RNF212B: variants seen among roughly 807,000 people sequenced by gnomAD.
The protein encoded by RNF212B is ring finger protein 212B, also known as E3 ubiquitin-protein ligase RNF212B.
RNF212B carries 52 observed loss-of-function variants against 55.5 expected under a neutral mutation model. The ratio of observed to expected loss-of-function variants is 0.94; its 90% CI spans 0.75 to 1.18. The LOEUF is 1.18. Ranked by LOEUF, RNF212B falls within the 50% of genes most tolerant of loss-of-function variation. The pLI is 0.00. For synonymous variants in RNF212B, 99 were observed against 121.4 expected (o/e 0.82, Z 1.21); for missense variants, 289 against 350.4 (o/e 0.82, Z 1.40).
At chr14:23,198,727 T>C (rs1450264823) in intron 2 of RNF212B, among the ~76,000 whole-genome samples, 1 of 151,754 alleles carries the variant, frequency 6.6e-6, no homozygotes, top group Non-Finnish European at 1.5e-5. Flanking sequence ...AGCTGGTAAG[T>C]CTGTTTCTCA....
chr14:23,189,987 T>G (rs769781864), intron 1 of RNF212B, among the ~76,000 whole-genome samples: 5 of 151,894 alleles, frequency 3.3e-5, no homozygotes, highest in Non-Finnish European at 7.4e-5. Flanking sequence ...CAACATCTAC[T>G]CTATCAGTTG....
intron 10 of RNF212B, 80 bp from the exon 11 acceptor site, chr14:23,264,543 T>A: frequency 1.0e-6 from 1 of 974,510 alleles, no homozygotes. Context: ...CTTGAATGTG[T>A]AGCTATAGAT....
Position 23,216,879 on chromosome 14 carries a change from C to CAAAAAAAAAAAAAAAAAA in RNF212B, c.-1-23458_-1-23441dup, listed in dbSNP as rs59923716. 4.1e-5 allele frequency among the ~76,000 whole-genome samples: 2 copies of CAAAAAAAAAAAAAAAAAA among 48,770 alleles called. 1 individual carries two copies. The highest frequency in any genetic ancestry group is 1.7e-4 in the African/African-American group (2 of 11,584). The allele number at this position is 48,770 out of a possible 152,430, so 32.0% of individuals were successfully genotyped here. On this transcript the variant is annotated intron_variant, in intron 2 of 15. Transcript: ENST00000399910. ...TGGGTGACTGAATGTGACCCTGTCT[C>CAAAAAAAAAAAAAAAAAA]AAAAAAAAAAAAAAAAAAAAAAAAA...
At chr14:23,262,315 G>C (rs945296437) in intron 7 of RNF212B, among the ~76,000 whole-genome samples, 14 of 152,120 alleles carry the variant, frequency 9.2e-5, no homozygotes, top group African/African-American at 3.4e-4. Flanking sequence ...TATTTTTCTA[G>C]TTTCTTAAGG....
At chr14:23,185,462 A>G (rs2140348944) in exon 1 of RNF212B, 1 of 152,336 alleles carries the variant, frequency 6.6e-6, no homozygotes, top group Non-Finnish European at 1.5e-5. Flanking sequence ...ATCACCATAT[A>G]AAACAAATAA....
At chr14:23,262,413 G>A (rs1885361014) in intron 7 of RNF212B, among the ~76,000 whole-genome samples, 1 of 152,150 alleles carries the variant, frequency 6.6e-6, no homozygotes, top group Admixed American at 6.5e-5. Flanking sequence ...GAAGAAAGGT[G>A]TACTTTAAAA....
intron 1 of RNF212B, among the ~76,000 whole-genome samples, chr14:23,186,565 G>A (rs536614045): frequency 1.1e-4 from 16 of 152,072 alleles, no homozygotes; most frequent in Middle Eastern, 3.2e-3. Flanking sequence ...GGTTAGGCTC[G>A]TCTTGAACTC....
At chr14:23,232,694 G>A (rs1414590306) in intron 2 of RNF212B, among the ~76,000 whole-genome samples, 1 of 151,416 alleles carries the variant, frequency 6.6e-6, no homozygotes, top group Non-Finnish European at 1.5e-5. Context: ...GGAGGTGGGG[G>A]GTCAGCCCCC....
intron 2 of RNF212B, among the ~76,000 whole-genome samples, chr14:23,198,055 G>A (rs896752106): frequency 3.3e-5 from 5 of 152,126 alleles, no homozygotes; most frequent in African/African-American, 1.2e-4. Context: ...AGTTAAGGCT[G>A]TTTTTACTTC....
Position 23,240,349 on chromosome 14 carries a change from G to C in RNF212B, c.4G>C (p.Asp2His), listed in dbSNP as rs1048535828. 1 of 1,543,254 alleles carries C rather than the reference G, an allele frequency of 6.5e-7. No individual in the cohort carries two copies. The highest frequency in any genetic ancestry group is 8.8e-7 in the Non-Finnish European group (1 of 1,140,676). ...CTTTCTCTTTATCTGCTCCAGAATG[G>C]ATTGGTTTCATTGCAACCAGTGCTT... Reference protein sequence around the residue: MDWFHCNQCFRK... With the variant: MHWFHCNQCFRK... The change falls in exon 2 of 15, where the codon GAT becomes CAT. Residue 2 changes from aspartate to histidine, a missense_variant. Physicochemically the swap from Asp to His is moderately conservative, Grantham distance 81 (BLOSUM62 -1). Coordinates refer to ENST00000430154, the MANE Select transcript of RNF212B (RefSeq NM_001282322.3).
chr14:23,234,658 G>A (rs970160121), upstream of RNF212B, among the ~76,000 whole-genome samples: 4 of 152,164 alleles, frequency 2.6e-5, no homozygotes, highest in Non-Finnish European at 4.4e-5. Flanking sequence ...TGGTCTACAC[G>A]TTTATGCACC....
chr14:23,218,229 G>A (rs369842553), intron 2 of RNF212B, among the ~76,000 whole-genome samples: 18 of 151,684 alleles, frequency 1.2e-4, no homozygotes, highest in East Asian at 7.8e-4. Flanking sequence ...TTAGCCGGGC[G>A]TGGTGGCACA....
intron 2 of RNF212B, among the ~76,000 whole-genome samples, chr14:23,216,879 C>CAAAAAAAAAA (rs59923716): frequency 6.2e-5 from 3 of 48,766 alleles, no homozygotes; most frequent in African/African-American, 8.6e-5. Flanking sequence ...GACCCTGTCT[C>CAAAAAAAAAA]AAAAAAAAAA....
chr14:23,185,543 A>T lies in RNF212B; in HGVS notation c.-79+53A>T, dbSNP rs535793291. The stretch of plus-strand genomic sequence containing the variant: ...TTCTAATTTATATGATGCAGACTTA[A>T]TGTGGGATAAAACATGAATGTGATG... On this transcript the variant is annotated intron_variant, in intron 1 of 15. Coordinates refer to the RNF212B transcript ENST00000399910. 17 of 152,336 alleles carry T rather than the reference A, an allele frequency of 1.1e-4. No homozygotes were observed. In the East Asian group the frequency reaches 2.9e-3, roughly 26 times the overall value. 9.4% of individuals were successfully genotyped at this position (152,336 alleles called of 1,614,324 possible).
intron 2 of RNF212B, among the ~76,000 whole-genome samples, chr14:23,210,120 C>T (rs922293670): frequency 5.9e-5 from 9 of 152,132 alleles, no homozygotes; most frequent in Non-Finnish European, 1.0e-4. Context: ...CACTGCACTC[C>T]GCCTGGGCAA....
At chr14:23,232,401 G>A (rs546791562) in intron 2 of RNF212B, among the ~76,000 whole-genome samples, 11 of 148,976 alleles carry the variant, frequency 7.4e-5, no homozygotes, top group South Asian at 4.2e-4. Flanking sequence ...GATCCCCTCC[G>A]CCCGGCAGCC....
intron 11 of RNF212B, among the ~76,000 whole-genome samples, chr14:23,266,672 A>C (rs1289247067): frequency 6.6e-6 from 1 of 152,046 alleles, no homozygotes; most frequent in Non-Finnish European, 1.5e-5. Flanking sequence ...CATCCTCCCA[A>C]AGTGCTGAGA....
At chr14:23,194,792 G>A (rs557571549) in intron 2 of RNF212B, among the ~76,000 whole-genome samples, 1 of 141,696 alleles carries the variant, frequency 7.1e-6, no homozygotes, top group African/African-American at 2.6e-5. Flanking sequence ...AGAAAAATTA[G>A]TAAACAGATA....
intron 1 of RNF212B, among the ~76,000 whole-genome samples, chr14:23,192,542 G>C (rs546155636): frequency 2.9e-5 from 4 of 138,348 alleles, no homozygotes; most frequent in Non-Finnish European, 6.2e-5. Context: ...GTTGTGGGGT[G>C]GGGGGAGGGG....
Sources: allele counts gnomAD v4.1 joint callset (sites outside exome capture counted in the v4.1 genomes callset), GRCh38; gene constraint gnomAD v4.1.1; transcripts MANE v1.5; gene names NCBI Gene and HGNC (gene_info 2026-07-23, HGNC 2026-07-21).